Variants in PDZD2 observed in about 807,000 individuals in gnomAD.
The protein encoded by PDZD2 is PDZ domain-containing protein 2.
PDZD2 carries 90 observed loss-of-function variants against 220.7 expected under a neutral mutation model. The ratio of observed to expected loss-of-function variants is 0.41; its 90% CI spans 0.34 to 0.49. PDZD2 has a LOEUF of 0.49. Ranked by LOEUF, PDZD2 falls within the 20% of genes least tolerant of loss-of-function variation. The pLI, the probability that PDZD2 is intolerant of heterozygous loss-of-function variation, is 0.28. For missense variants in PDZD2, 3,174 were observed against 3,608.5 expected (o/e 0.88, Z 3.08); for synonymous variants, 1,375 against 1,450.5 (o/e 0.95, Z 1.18).
At chr5:32,010,660 AT>A in intron 6 of PDZD2, 178 bp downstream of exon 6, 1 of 695,174 alleles carries the variant, frequency 1.4e-6, no homozygotes, top group Non-Finnish European at 2.6e-6. Flanking sequence ...TGAGGGTGAT[AT>A]TTTTCCTTTA....
chr5:31,918,379 C>A (rs1044273499), intron 2 of PDZD2, among the ~76,000 whole-genome samples: 1 of 152,116 alleles, frequency 6.6e-6, no homozygotes, highest in African/African-American at 2.4e-5. Flanking sequence ...TGACACAGAA[C>A]CAACTAGGGT....
chr5:31,641,087 AT>A (rs1387376830), intron 1 of PDZD2, among the ~76,000 whole-genome samples: 1 of 152,098 alleles, frequency 6.6e-6, no homozygotes, highest in African/African-American at 2.4e-5. Flanking sequence ...CAATCATTTT[AT>A]TTTTGGAATA....
chr5:31,688,676 C>A (rs1049190647), intron 1 of PDZD2, among the ~76,000 whole-genome samples: 1 of 152,210 alleles, frequency 6.6e-6, no homozygotes, highest in African/African-American at 2.4e-5. Flanking sequence ...TCTTCTCACT[C>A]CAGAAAGCTG....
At chr5:31,874,993 A>G (rs1739178832) in intron 2 of PDZD2, among the ~76,000 whole-genome samples, 1 of 152,128 alleles carries the variant, frequency 6.6e-6, no homozygotes, top group Non-Finnish European at 1.5e-5. Context: ...TTTAAATGCT[A>G]TGTACTGTTT....
Position 32,010,099 on chromosome 5 carries a change from AG to A in PDZD2, c.1255-230del, listed in dbSNP as rs796725311. Among the ~76,000 whole-genome samples, 706 of 151,822 alleles carry A rather than the reference AG, an allele frequency of 4.7e-3. 4 individuals carry two copies. The highest frequency in any genetic ancestry group is 0.016 in the African/African-American group (652 of 41,230). On this transcript the variant is annotated intron_variant, in intron 5 of 24. Transcript: ENST00000438447. ...AAGACTGTCTCAAAAAAAAGAAAAA[AG>A]AAAAAAAAGAAACAGCTAAGAATCA...
chr5:31,662,675 G>A (rs1432558416), intron 1 of PDZD2, among the ~76,000 whole-genome samples: 1 of 152,176 alleles, frequency 6.6e-6, no homozygotes, highest in Non-Finnish European at 1.5e-5. Flanking sequence ...TGTAGCCCAG[G>A]ATGGAGTGCA....
chr5:31,769,890 G>A (rs552439326), intron 1 of PDZD2, among the ~76,000 whole-genome samples: 1 of 129,692 alleles, frequency 7.7e-6, no homozygotes, highest in South Asian at 2.3e-4. Flanking sequence ...TCTGGATTTT[G>A]TTATTGTTTT....
rs1754226385 is a variant in PDZD2 at position 31,799,059 on chromosome 5, G to A, written c.-190G>A. The A allele has an allele frequency of 1.7e-6, 1 of 576,174 alleles. No individual in the cohort carries two copies. The highest frequency in any genetic ancestry group is 1.9e-5 in the African/African-American group (1 of 53,608). 35.7% of individuals were successfully genotyped at this position (576,174 alleles called of 1,614,324 possible). A position where few individuals can be genotyped will look rare whatever the true frequency, so the allele number is the denominator to read the frequency against. On this transcript the variant is annotated 5_prime_UTR_variant, in exon 2 of 25. Coordinates refer to ENST00000438447, the MANE Select transcript of PDZD2 (RefSeq NM_178140.4). The stretch of plus-strand genomic sequence containing the variant: ...CATTGTTCCACAGTTGTTCTAATTG[G>A]GTCCTAGCTTCCTCCTGCCAAGGCA...
intron 2 of PDZD2, among the ~76,000 whole-genome samples, chr5:31,880,791 CTTTTTTTTTTTTTT>C (rs1037018187): frequency 6.5e-5 from 5 of 76,486 alleles, no homozygotes; most frequent in South Asian, 5.0e-4. Context: ...TTTTTTTTTT[CTTTTTTTTTTTTTT>C]TTTTTTTTTT....
intron 1 of PDZD2, among the ~76,000 whole-genome samples, chr5:31,656,581 C>G (rs1030384536): frequency 4.6e-5 from 7 of 152,200 alleles, no homozygotes; most frequent in Non-Finnish European, 7.3e-5. Context: ...AGGGATGTCA[C>G]TCAGCGTAAA....
chr5:32,022,835 C>T (rs1754330341), intron 6 of PDZD2, among the ~76,000 whole-genome samples: 1 of 152,138 alleles, frequency 6.6e-6, no homozygotes, highest in South Asian at 2.1e-4. Flanking sequence ...AGGAAAGTGA[C>T]TCACTGATGG....
chr5:32,065,091 G>A (rs1740099388), intron 14 of PDZD2, among the ~76,000 whole-genome samples: 1 of 152,214 alleles, frequency 6.6e-6, no homozygotes, highest in Admixed American at 6.5e-5. Flanking sequence ...CTTGAGGTCA[G>A]GAGTTCGAGA....
chr5:31,715,412 A>G (rs144424918), intron 1 of PDZD2, among the ~76,000 whole-genome samples: 2 of 152,308 alleles, frequency 1.3e-5, no homozygotes, highest in Non-Finnish European at 2.9e-5. Context: ...CAGCATCCCC[A>G]CTGAGTTTCC....
chr5:31,997,912 G>A (rs1312577851), intron 4 of PDZD2, among the ~76,000 whole-genome samples: 2 of 152,034 alleles, frequency 1.3e-5, no homozygotes, highest in East Asian at 1.9e-4. Flanking sequence ...GCGCGATCTC[G>A]GCTCACCACA....
In PDZD2 at chr5:32,052,249, G is replaced by A. The variant is rs918043469; in HGVS notation, c.1666-362G>A. ...CAACCTCCACCTCCCAGGTTCAAGC[G>A]ATTGTCCTGCCTCAGCCTCCTGAGT... On this transcript the variant is annotated intron_variant, in intron 8 of 24. Transcript: ENST00000438447. Among the ~76,000 whole-genome samples, 113 of 152,084 alleles carry A rather than the reference G, an allele frequency of 7.4e-4. 1 individual carries two copies. The highest frequency in any genetic ancestry group is 2.6e-3 in the African/African-American group (107 of 41,400).
chr5:31,662,687 T>C (rs1309758845), intron 1 of PDZD2, among the ~76,000 whole-genome samples: 1 of 152,178 alleles, frequency 6.6e-6, no homozygotes, highest in Non-Finnish European at 1.5e-5. Context: ...TGGAGTGCAG[T>C]GGCGCAATCT....
intron 13 of PDZD2, among the ~76,000 whole-genome samples, chr5:32,060,774 T>A (rs1396934064): frequency 6.6e-6 from 1 of 152,256 alleles, no homozygotes; most frequent in Admixed American, 6.5e-5. Flanking sequence ...GACTTTGCTG[T>A]TTCTGAAAAT....
intron 8 of PDZD2, 181 bp from the exon 9 acceptor site, chr5:32,052,430 G>A: frequency 1.8e-6 from 1 of 550,014 alleles, no homozygotes; most frequent in Non-Finnish European, 3.3e-6. Flanking sequence ...ACAGGCATGA[G>A]CCACGGTGCC....
At chr5:32,045,588 G>GT (rs34280498) in intron 7 of PDZD2, among the ~76,000 whole-genome samples, 8,269 of 139,922 alleles carry the variant, frequency 0.059, 404 homozygotes, top group African/African-American at 0.14. Context: ...ACGCCCAGCT[G>GT]TTTTTTTTTT....
Sources: gnomAD v4.1 joint callset for allele counts (sites outside exome capture counted in the v4.1 genomes callset) on GRCh38, gnomAD v4.1.1 for gene constraint, MANE v1.5 for transcripts, NCBI Gene and HGNC (gene_info 2026-07-23, HGNC 2026-07-21) for gene names.